Variants in COL4A6 observed in about 807,000 individuals in gnomAD.
COL4A6 encodes the protein collagen type IV alpha 6 chain, also known as collagen alpha-6(IV) chain.
A neutral mutation model predicts 126.7 loss-of-function variants in COL4A6; 59 were observed. The observed-to-expected ratio is 0.47, with a 90% CI of 0.38 to 0.58. COL4A6 has a LOEUF of 0.58. COL4A6 is among the 20% of genes least tolerant of loss of function. COL4A6 has a pLI of 0.00. For missense variants in COL4A6, 1,285 were observed against 1,337.3 expected (o/e 0.96, Z 0.61); for synonymous variants, 547 against 496.6 (o/e 1.10, Z -1.35).
rs1182787785 is a variant in COL4A6 at position 108,205,455 on chromosome X, C to T, written c.671G>A (p.Gly224Glu). Reference protein sequence around the residue: ...PDGNMGLGFQGEKGVKGDVGL... With the variant: ...PDGNMGLGFQEEKGVKGDVGL... ...GCTGTTTACCTTGACTCCTTTCTCT[C>T]CTTGAAAACCTAGCCCCATATTCCC... is the stretch of plus-strand genomic sequence containing the variant. The change falls in exon 11 of 45, where the codon GGA (glycine) becomes GAA (glutamate). Residue 224 changes from glycine to glutamate, a missense_variant. Physicochemically the swap from Gly to Glu is moderately conservative, Grantham distance 98 (BLOSUM62 -2). Transcript: ENST00000334504. 16 of 1,200,386 alleles carry T rather than the reference C, an allele frequency of 1.3e-5. No homozygotes were observed. The highest frequency in any genetic ancestry group is 1.8e-5 in the Non-Finnish European group (16 of 886,996).
intron 8 of COL4A6, chrX:108,206,873 T>C: frequency 2.8e-6 from 1 of 362,143 alleles, no homozygotes; most frequent in Non-Finnish European, 5.0e-6. Flanking sequence ...GGCTAGAGTT[T>C]ATATCATTCC....
intron 23 of COL4A6, chrX:108,183,627 C>T (rs2148130675): frequency 1.7e-6 from 1 of 576,250 alleles, no homozygotes; most frequent in Non-Finnish European, 2.3e-6. Flanking sequence ...GTGTGGTGCT[C>T]AGGCCATCGT....
intron 2 of COL4A6, among the ~76,000 whole-genome samples, chrX:108,350,496 A>G (rs920144302): frequency 3.6e-5 from 4 of 111,535 alleles, no homozygotes; most frequent in East Asian, 2.8e-4. Flanking sequence ...CAAGCTCTAC[A>G]GGTGCTTCTA....
chrX:108,272,325 C>T (rs1569396718), intron 3 of COL4A6, among the ~76,000 whole-genome samples: 1 of 111,926 alleles, frequency 8.9e-6, no homozygotes, highest in Non-Finnish European at 1.9e-5. Flanking sequence ...TCTTGGTTTC[C>T]TATGGCATCA....
In COL4A6 at chrX:108,278,423, A is replaced by G. The variant is rs1272072135; in HGVS notation, c.144+32325T>C. Among the ~76,000 whole-genome samples the G allele has an allele frequency of 3.7e-3, 404 of 108,459 alleles. 4 individuals carry two copies. Among genetic ancestry groups the G allele is most frequent in the African/African-American group, 0.013 (389 of 30,127 alleles). The allele number at this position is 108,459 out of a possible 115,157, so 94.2% of individuals were successfully genotyped here. On this transcript the variant is annotated intron_variant, in intron 3 of 44. Coordinates refer to ENST00000334504, the MANE Select transcript of COL4A6 (RefSeq NM_033641.4). ...GAAGATGAAATGAATGAAATGAAGC[A>G]AGAAGGGAAGTTTAGAGAAAAAAGA...
chrX:108,350,038 C>G (rs1291880255), intron 2 of COL4A6, among the ~76,000 whole-genome samples: 2 of 111,532 alleles, frequency 1.8e-5, no homozygotes, highest in Non-Finnish European at 3.8e-5. Context: ...TAGAAATCTT[C>G]TCCAAAAAAG....
chrX:108,284,312 G>T (rs1354814008), intron 3 of COL4A6, among the ~76,000 whole-genome samples: 1 of 107,604 alleles, frequency 9.3e-6, no homozygotes, highest in Non-Finnish European at 1.9e-5. Context: ...GCCTGTCGGG[G>T]GCTGGGGGGC....
intron 2 of COL4A6, among the ~76,000 whole-genome samples, chrX:108,401,043 G>T (rs1391775033): frequency 9.0e-6 from 1 of 110,952 alleles, no homozygotes; most frequent in South Asian, 3.7e-4. Context: ...TATTATACCC[G>T]ATGTATATTG....
At chrX:108,174,915 G>T (rs1365456683) in intron 30 of COL4A6, among the ~76,000 whole-genome samples, 175 bp downstream of exon 30, 1 of 111,661 alleles carries the variant, frequency 9.0e-6, no homozygotes, top group East Asian at 2.8e-4. Context: ...CAAAGTCCAG[G>T]CAGCCTTCAG....
At chrX:108,278,828 G>A (rs1300249744) in intron 3 of COL4A6, among the ~76,000 whole-genome samples, 1 of 110,490 alleles carries the variant, frequency 9.1e-6, no homozygotes, top group African/African-American at 3.3e-5. Context: ...AGAGAGTGGG[G>A]GCCAATATTC....
At chrX:108,324,720 C>A in intron 2 of COL4A6, among the ~76,000 whole-genome samples, 1 of 111,995 alleles carries the variant, frequency 8.9e-6, no homozygotes, top group Non-Finnish European at 1.9e-5. Context: ...ACAAGGCTTA[C>A]ATGTGTTGAT....
intron 2 of COL4A6, among the ~76,000 whole-genome samples, chrX:108,338,310 C>T (rs1033335262): frequency 1.8e-5 from 2 of 112,047 alleles, no homozygotes; most frequent in South Asian, 3.7e-4. Context: ...GCCCACATTT[C>T]GGTAGACTGG....
rs1312971730 is a variant in COL4A6, at chrX:108,176,780, T to C, written c.2686+61A>G. ...CCTAGGCAGAGAGGAAGGAGCAAGC[T>C]GCGCAGCTGAAATGCTCCTTTTTGG... On this transcript the variant is annotated intron_variant, in intron 28 of 44. Coordinates refer to ENST00000334504, the MANE Select transcript of COL4A6 (RefSeq NM_033641.4). 3 of 1,096,838 alleles carry C rather than the reference T, an allele frequency of 2.7e-6. No individual in the cohort carries two copies. In the African/African-American group the frequency reaches 5.5e-5, roughly 20 times the overall value. 90.4% of individuals were successfully genotyped at this position (1,096,838 alleles called of 1,213,427 possible).
At chrX:108,159,212 G>A (rs1260055787) in intron 44 of COL4A6, among the ~76,000 whole-genome samples, 2 of 111,871 alleles carry the variant, frequency 1.8e-5, no homozygotes, top group Non-Finnish European at 3.8e-5. Context: ...GGAGACGGCG[G>A]GGCATTGACC....
chrX:108,421,427 C>T (rs749356953), intron 2 of COL4A6, among the ~76,000 whole-genome samples: 3 of 111,142 alleles, frequency 2.7e-5, no homozygotes, highest in Non-Finnish European at 5.7e-5. Context: ...GACAAGTGAG[C>T]CAAGAGTAAG....
chrX:108,219,707 A>T lies in COL4A6; in HGVS notation c.315T>A (p.Asn105Lys). 6 of 1,209,365 alleles carry T rather than the reference A, an allele frequency of 5.0e-6. No individual in the cohort carries two copies. Among genetic ancestry groups the T allele is most frequent in the Non-Finnish European group, 6.7e-6 (6 of 893,230 alleles). The change falls in exon 5 of 45, where the codon AAT (asparagine) becomes AAA (lysine). Residue 105 changes from asparagine (N) to lysine (K), a missense_variant. Transcript: ENST00000334504. ...PMGVPGFLGI[N>K]GIPGHPGQPG... ...CTGTGGACACACTCACCGGAATCCC[A>T]TTGATGCCAAGAAAGCCAGGAACTC... is the stretch of plus-strand genomic sequence containing the variant.
intron 3 of COL4A6, among the ~76,000 whole-genome samples, chrX:108,247,806 T>C (rs865918026): frequency 6.3e-4 from 70 of 111,643 alleles, no homozygotes; most frequent in African/African-American, 2.2e-3. Context: ...CAGATTCAAC[T>C]TCCTAAAAGA....
At chrX:108,381,155 G>T (rs1024002582) in intron 2 of COL4A6, among the ~76,000 whole-genome samples, 2 of 111,423 alleles carry the variant, frequency 1.8e-5, no homozygotes, top group African/African-American at 3.3e-5. Context: ...CTATTTGTTT[G>T]TCTTAGCCCC....
intron 3 of COL4A6, among the ~76,000 whole-genome samples, chrX:108,231,759 T>C (rs1195822815): frequency 8.9e-6 from 1 of 112,441 alleles, no homozygotes; most frequent in Non-Finnish European, 1.9e-5. Flanking sequence ...ATTGTTATTT[T>C]CATTGATACC....
Sources: gnomAD v4.1 joint callset for allele counts (sites outside exome capture counted in the v4.1 genomes callset) on GRCh38, gnomAD v4.1.1 for gene constraint, MANE v1.5 for transcripts, NCBI Gene and HGNC (gene_info 2026-07-23, HGNC 2026-07-21) for gene names.